The following OPHN1 variants were observed in gnomAD, a reference collection of about 807,000 sequenced individuals.
The protein encoded by OPHN1 is oligophrenin 1.
In OPHN1, 11 loss-of-function variants were observed where a neutral mutation model predicts 60.7. The ratio of observed to expected loss-of-function variants is 0.18; its 90% CI spans 0.11 to 0.30. OPHN1 has a LOEUF of 0.30. Among genes scored for constraint, OPHN1 ranks in the 10% least tolerant of loss-of-function variants. OPHN1 has a pLI of 1.00. For missense variants in OPHN1, 449 were observed against 611.0 expected, an observed-to-expected ratio of 0.73 and a Z score of 2.80; for synonymous variants, 226 against 222.6, an observed-to-expected ratio of 1.02 and a Z score of -0.14.
At chrX:68,368,817 G>A (rs1311272788) in intron 2 of OPHN1, among the ~76,000 whole-genome samples, 1 of 111,902 alleles carries the variant, frequency 8.9e-6, no homozygotes, top group Non-Finnish European at 1.9e-5. Context: ...CACAATTTAA[G>A]GAACAGAGAC....
intron 5 of OPHN1, 51 bp from the exon 6 acceptor site, chrX:68,234,639 G>A: frequency 1.1e-6 from 1 of 925,443 alleles, no homozygotes; most frequent in Non-Finnish European, 1.6e-6. Context: ...TTGTAACTCT[G>A]TCTGCTTAGA....
rs974436512 is a variant in OPHN1 at position 68,283,083 on chromosome X, G to A, written c.285C>T (p.Asn95=). Residue 95 remains asparagine (N), a synonymous_variant, in exon 4 of 25, where the codon AAC becomes AAT. Coordinates refer to ENST00000355520, the MANE Select transcript of OPHN1 (RefSeq NM_002547.3). ...ESFKEFAELL[N]EVENERMMMV... ...TCATCATCCTCTCATTTTCTACCTC[G>A]TTGAGCAATTCAGCAAATTCCTTGA... 4.1e-6 allele frequency: 5 copies of A among 1,208,047 alleles called. No homozygotes were observed. The highest frequency in any genetic ancestry group is 3.5e-5 in the African/African-American group (2 of 57,714).
chrX:68,064,150 C>T lies in OPHN1; in HGVS notation c.1862G>A (p.Gly621Asp), dbSNP rs2076904729. 3 of 1,208,348 alleles carry T rather than the reference C, an allele frequency of 2.5e-6. No homozygotes were observed. In the African/African-American group the frequency reaches 5.3e-5, roughly 21 times the overall value. Residue 621 changes from glycine (G) to aspartate (D), a missense_variant, in exon 21 of 25, where the codon GGT becomes GAT. Physicochemically the swap from Gly to Asp is moderately conservative, Grantham distance 94. Coordinates refer to ENST00000355520, the MANE Select transcript of OPHN1 (RefSeq NM_002547.3). ...GGGTTCTATGCTGCTGGTGATAGTACCATTCGGTGTTTGATGTTGGATTTC... is the reference window on the plus strand; with the variant it reads ...GGGTTCTATGCTGCTGGTGATAGTATCATTCGGTGTTTGATGTTGGATTTC... ...EDEIQHQTPN[G>D]TITSSIEPPK...
rs2077560335 is a variant in OPHN1, at chrX:68,206,563, A to T, written c.933+10T>A. The T allele has an allele frequency of 1.7e-6, 2 of 1,189,708 alleles. No individual in the cohort carries two copies. The highest frequency in any genetic ancestry group is 4.4e-5 in the Admixed American group (2 of 45,723). On this transcript the variant is annotated intron_variant, in intron 10 of 24. Transcript: ENST00000355520. ...CCATTTCCAAAAATATGGTGCAAAC[A>T]AGAACTGACCTGCTTAGCACCTGGC...
At chrX:68,077,611 A>G (rs2076958312) in intron 19 of OPHN1, among the ~76,000 whole-genome samples, 1 of 111,777 alleles carries the variant, frequency 8.9e-6, no homozygotes, top group Non-Finnish European at 1.9e-5. Context: ...TGTGTGTATG[A>G]ATGCACTGTC....
At chrX:68,280,165 C>A (rs2078013107) in intron 4 of OPHN1, among the ~76,000 whole-genome samples, 1 of 111,567 alleles carries the variant, frequency 9.0e-6, no homozygotes, top group African/African-American at 3.3e-5. Flanking sequence ...CATTTAAAAG[C>A]AAATATTTTA....
At chrX:68,073,451 A>T in intron 19 of OPHN1, 152 bp from the exon 20 acceptor site, 1 of 474,614 alleles carries the variant, frequency 2.1e-6, no homozygotes, top group South Asian at 4.2e-5. Flanking sequence ...TTTCTTAATC[A>T]CTCTAGCTAC....
Position 68,307,485 on chromosome X carries a change from C to T in OPHN1, c.155-8389G>A, listed in dbSNP as rs961033065. 4.6e-4 allele frequency among the ~76,000 whole-genome samples: 50 copies of T among 107,555 alleles called. 1 individual carries two copies. Among genetic ancestry groups the T allele is most frequent in the Admixed American group, 1.5e-3 (15 of 9,942 alleles). The allele number at this position is 107,555 out of a possible 115,157, so 93.4% of individuals were successfully genotyped here. ...AAAAAAAAAAAAAAGGAATTTATAG[C>T]GAATGGATATACGAAACTCCATGTG... is the stretch of plus-strand genomic sequence containing the variant. On this transcript the variant is annotated intron_variant, in intron 2 of 24. Transcript: ENST00000355520.
rs747520354 is a variant in OPHN1, at chrX:68,156,008, G to A, written c.1277-36676C>T. 6.3e-5 allele frequency among the ~76,000 whole-genome samples: 7 copies of A among 111,250 alleles called. No individual in the cohort carries two copies. In the South Asian group the frequency reaches 2.7e-3, roughly 42 times the overall value. ...GTCCTTATATGTCTAAAATAGCAAT[G>A]GCATGCCAAATACAGAGAAAATGTG... On this transcript the variant is annotated intron_variant, in intron 15 of 24. Transcript: ENST00000355520.
At chrX:68,247,245 C>T (rs1011526611) in intron 5 of OPHN1, among the ~76,000 whole-genome samples, 4 of 111,627 alleles carry the variant, frequency 3.6e-5, no homozygotes, top group Non-Finnish European at 7.5e-5. Context: ...TGTACTCTCT[C>T]TGTGTACACG....
rs1197141673 is a variant in OPHN1, at chrX:68,195,066, GAAA to G, written c.1105-571_1105-569del. Among the ~76,000 whole-genome samples, 947 of 96,488 alleles carry G rather than the reference GAAA, an allele frequency of 9.8e-3. 29 individuals carry two copies. Among genetic ancestry groups the G allele is most frequent in the African/African-American group, 0.047 (908 of 19,282 alleles). 83.8% of individuals were successfully genotyped at this position (96,488 alleles called of 115,157 possible). On this transcript the variant is annotated intron_variant, in intron 12 of 24. Transcript: ENST00000355520. ...AGGAAGGAAGGAAGGAAGGAAGGAAGAAAGAAAGAAAATACTTGAACAATCCCT... is the reference window on the plus strand; with the variant it reads ...AGGAAGGAAGGAAGGAAGGAAGGAAGGAAAGAAAATACTTGAACAATCCCT...
intron 2 of OPHN1, among the ~76,000 whole-genome samples, chrX:68,353,408 GAAAA>G (rs766331200): frequency 2.1e-5 from 1 of 48,157 alleles, no homozygotes. Flanking sequence ...GTCTCTACAG[GAAAA>G]AAAAAAAAAA....
intron 5 of OPHN1, among the ~76,000 whole-genome samples, chrX:68,259,815 C>T (rs1253832625): frequency 1.8e-5 from 2 of 111,159 alleles, no homozygotes; most frequent in Non-Finnish European, 3.8e-5. Context: ...ATACTATATA[C>T]TGCTTAGGGA....
chrX:68,395,246 T>C lies in OPHN1; in HGVS notation c.154+37621A>G, dbSNP rs186760321. Reference sequence around the variant, plus strand: ...TGCTGGGATTACAGGCATGAGCCACTGTGCTTGGCCTTGTTTTTTTGTTTT... The same window carrying C: ...TGCTGGGATTACAGGCATGAGCCACCGTGCTTGGCCTTGTTTTTTTGTTTT... On this transcript the variant is annotated intron_variant, in intron 2 of 24. Transcript: ENST00000355520. Among the ~76,000 whole-genome samples, 480 of 104,888 alleles carry C rather than the reference T, an allele frequency of 4.6e-3. 2 individuals are homozygous for C. Among genetic ancestry groups the C allele is most frequent in the Non-Finnish European group, 7.4e-3 (373 of 50,346 alleles). The allele number at this position is 104,888 out of a possible 115,157, so 91.1% of individuals were successfully genotyped here.
intron 15 of OPHN1, among the ~76,000 whole-genome samples, chrX:68,172,946 T>C (rs1027114958): frequency 9.0e-6 from 1 of 111,249 alleles, no homozygotes; most frequent in African/African-American, 3.3e-5. Flanking sequence ...ATATGTATCT[T>C]AGACAATTGC....
intron 19 of OPHN1, among the ~76,000 whole-genome samples, chrX:68,093,380 A>G (rs777948210): frequency 1.6e-4 from 18 of 111,891 alleles, no homozygotes; most frequent in Non-Finnish European, 3.0e-4. Context: ...TCAAATATTA[A>G]TTAACATCCC....
Position 68,070,417 on chromosome X carries a change from G to A in OPHN1, c.1834+2735C>T, listed in dbSNP as rs138784405. On this transcript the variant is annotated intron_variant, in intron 20 of 24. Transcript: ENST00000355520. ...CTGGCACTGCATCTCTTGGCCACTA[G>A]CTGAATCTTGACATGGAAGGTTTTA... The A allele has an allele frequency of 3.7e-3, 1,964 of 525,170 alleles. 29 individuals are homozygous for A. The African/African-American group carries it at 0.039, about 10-fold the overall frequency. 43.3% of individuals were successfully genotyped at this position (525,170 alleles called of 1,213,427 possible).
At chrX:68,149,809 A>G (rs974405780) in intron 15 of OPHN1, among the ~76,000 whole-genome samples, 2 of 111,265 alleles carry the variant, frequency 1.8e-5, no homozygotes, top group African/African-American at 6.5e-5. Context: ...TACCAAAAAA[A>G]AAAAATTTAA....
At chrX:68,151,936 G>A (rs1322258441) in intron 15 of OPHN1, among the ~76,000 whole-genome samples, 1 of 111,182 alleles carries the variant, frequency 9.0e-6, no homozygotes, top group East Asian at 2.8e-4. Flanking sequence ...TATAATCATG[G>A]TGGAAGGTGA....
Sources: gnomAD v4.1 joint callset for allele counts (sites outside exome capture counted in the v4.1 genomes callset) on GRCh38, gnomAD v4.1.1 for gene constraint, MANE v1.5 for transcripts, NCBI Gene and HGNC (gene_info 2026-07-23, HGNC 2026-07-21) for gene names.